The following RPL31 variants were observed in gnomAD, a reference collection of about 807,000 sequenced individuals.
RPL31 encodes large ribosomal subunit protein eL31.
For missense variants in RPL31, 95 were observed against 164.0 expected, an observed-to-expected ratio of 0.58 and a Z score of 2.30; for synonymous variants, 51 against 55.0, an observed-to-expected ratio of 0.93 and a Z score of 0.32.
chr2:101,009,924 C>T (rs1679070915), downstream of RPL31, among the ~76,000 whole-genome samples: 1 of 151,484 alleles, frequency 6.6e-6, no homozygotes, highest in Non-Finnish European at 1.5e-5. Context: ...CGGGTTCATG[C>T]CATTCTCCTG....
intron 4 of RPL31, among the ~76,000 whole-genome samples, chr2:101,013,561 TTC>T (rs1263778820): frequency 1.3e-5 from 2 of 152,244 alleles, no homozygotes; most frequent in Non-Finnish European, 2.9e-5. Flanking sequence ...CATCTCAGAC[TTC>T]TGTTTGAAGG....
downstream of RPL31, chr2:101,011,328 G>C: frequency 9.6e-7 from 1 of 1,038,838 alleles, no homozygotes; most frequent in Admixed American, 2.0e-5. Context: ...TGAGTTTGGG[G>C]ATAATTCATT....
intron 3 of RPL31, chr2:101,005,579 G>A (rs913335535): frequency 3.4e-5 from 7 of 205,278 alleles, no homozygotes; most frequent in Non-Finnish European, 5.9e-5. Context: ...CAAAGTGCTG[G>A]GGTTACAGGG....
At chr2:101,015,587 A>C (rs892701939) in intron 4 of RPL31, among the ~76,000 whole-genome samples, 15 of 152,242 alleles carry the variant, frequency 9.9e-5, no homozygotes, top group African/African-American at 3.4e-4. Context: ...CTATCAAAAA[A>C]ATCTTTTTAA....
At chr2:101,017,927 A>G (rs887592526) in intron 4 of RPL31, 2 of 1,550,628 alleles carry the variant, frequency 1.3e-6, no homozygotes, top group African/African-American at 1.4e-5. Flanking sequence ...AGAAGAGGAA[A>G]GCAAATGGCA....
At chr2:101,008,384 CAG>C (rs924070255), downstream of RPL31, 71 of 867,366 alleles carry the variant, frequency 8.2e-5, no homozygotes, top group African/African-American at 9.7e-4. Context: ...TTTGAAGACA[CAG>C]AATATAAGAA....
downstream of RPL31, among the ~76,000 whole-genome samples, chr2:101,009,825 TTC>T (rs1491144667): frequency 7.3e-4 from 102 of 139,886 alleles, 4 homozygotes; most frequent in East Asian, 1.4e-3. Context: ...AAGGAGCTTT[TTC>T]TTTTTTTTTT....
exon 5 of RPL31, chr2:101,019,609 T>C (rs1679900666): frequency 6.6e-6 from 1 of 152,614 alleles, no homozygotes; most frequent in African/African-American, 2.4e-5. Flanking sequence ...TTGATTTAAA[T>C]TCAGAGTTAC....
intron 4 of RPL31, among the ~76,000 whole-genome samples, chr2:101,014,484 A>T (rs1029944006): frequency 6.6e-6 from 1 of 152,200 alleles, no homozygotes; most frequent in East Asian, 1.9e-4. Flanking sequence ...TCATCAACAC[A>T]TCATCCCTTT....
intron 3 of RPL31, 154 bp from the exon 4 acceptor site, chr2:101,005,805 T>C (rs1678708331): frequency 4.7e-6 from 3 of 643,180 alleles, no homozygotes; most frequent in Non-Finnish European, 8.2e-6. Flanking sequence ...CTGGGGGTTA[T>C]GTTTCATTTT....
chr2:101,018,861 T>C (rs1679845892), intron 4 of RPL31: 3 of 1,120,360 alleles, frequency 2.7e-6, no homozygotes, highest in Non-Finnish European at 3.8e-6. Context: ...TTAGTATAAT[T>C]AACTAAGCAA....
chr2:101,006,497 T>C lies in RPL31; in HGVS notation c.*116T>C. 9.7e-7 allele frequency: 1 copy of C among 1,026,194 alleles called. No homozygotes were observed. Among genetic ancestry groups the C allele is most frequent in the Non-Finnish European group, 1.4e-6 (1 of 721,128 alleles). The allele number at this position is 1,026,194 out of a possible 1,614,324, so 63.6% of individuals were successfully genotyped here. On this transcript the variant is annotated 3_prime_UTR_variant, in exon 5 of 5. Transcript: ENST00000264258. ...CTAATTATGGGATCATTTGAAGAGC[T>C]TTTCCCAAATTGATGGCCTGTGCTG...
chr2:101,017,948 T>C, intron 4 of RPL31: 1 of 1,549,966 alleles, frequency 6.5e-7, no homozygotes, highest in South Asian at 1.2e-5. Context: ...TTTTCTTCTC[T>C]ACTTGGTGAA....
chr2:101,007,505 G>C, downstream of RPL31: 1 of 313,150 alleles, frequency 3.2e-6, no homozygotes, highest in African/African-American at 2.1e-5. Flanking sequence ...TTCTTGGTTA[G>C]TATGAGACAT....
chr2:101,005,639 G>A (rs374834724), intron 3 of RPL31: 6 of 285,384 alleles, frequency 2.1e-5, no homozygotes, highest in Non-Finnish European at 3.9e-5. Flanking sequence ...GAAAAATCAC[G>A]TAACAAAGTT....
downstream of RPL31, chr2:101,007,482 G>A (rs1197657740): frequency 4.3e-6 from 1 of 232,148 alleles, no homozygotes; most frequent in Non-Finnish European, 8.4e-6. Context: ...TGAAAGCATG[G>A]GGCTTTTCTT....
At chr2:101,007,707 A>T, downstream of RPL31, 1 of 1,081,286 alleles carries the variant, frequency 9.2e-7, no homozygotes, top group Non-Finnish European at 1.3e-6. Context: ...TTGTTTAGCC[A>T]GATGCCCCAT....
At chr2:101,008,098 C>T (rs888458057), downstream of RPL31, 17 of 1,613,796 alleles carry the variant, frequency 1.1e-5, no homozygotes, top group South Asian at 5.5e-5. Flanking sequence ...AGCTGAAGCC[C>T]GCAGCTCCTC....
At chr2:101,005,045 G>A (rs1346152993) in intron 3 of RPL31, 1 of 152,248 alleles carries the variant, frequency 6.6e-6, no homozygotes, top group African/African-American at 2.4e-5. Context: ...AACAAGACAG[G>A]GACCTGAGAC....
Sources: gnomAD v4.1 joint callset for allele counts (sites outside exome capture counted in the v4.1 genomes callset) on GRCh38, gnomAD v4.1.1 for gene constraint, MANE v1.5 for transcripts, NCBI Gene and HGNC (gene_info 2026-07-23, HGNC 2026-07-21) for gene names.